Variants in MGA observed in about 807,000 individuals in gnomAD.
The protein encoded by MGA is MAX gene-associated protein.
A neutral mutation model predicts 261.1 loss-of-function variants in MGA; 40 were observed. That is an observed-to-expected ratio of 0.15 (90% CI 0.12 to 0.20). The LOEUF is 0.20. Among genes scored for constraint, MGA ranks in the 10% least tolerant of loss-of-function variants. The pLI is 1.00. For missense variants in MGA, 3,397 were observed against 3,630.5 expected, an observed-to-expected ratio of 0.94 and a Z score of 1.65; for synonymous variants, 1,302 against 1,290.6, an observed-to-expected ratio of 1.01 and a Z score of -0.19.
intron 12 of MGA, among the ~76,000 whole-genome samples, chr15:41,735,454 A>T (rs1424767966): frequency 6.6e-6 from 1 of 152,134 alleles, no homozygotes; most frequent in African/African-American, 2.4e-5. Flanking sequence ...TCAGAATACT[A>T]CAGCTGGGCG....
rs2063905938 is a variant in MGA, at chr15:41,768,494, GTAAA to G, written c.*1218_*1221del. On this transcript the variant is annotated 3_prime_UTR_variant, in exon 24 of 24. Transcript: ENST00000219905. ...AGAAATGATGTTTCCTATCTAGTTT[GTAAA>G]TAATCATGGTGCACTTGAGGGGTCT... is the stretch of plus-strand genomic sequence containing the variant. The G allele has an allele frequency of 6.6e-6, 1 of 152,606 alleles. No homozygotes were observed. 9.5% of individuals were successfully genotyped at this position (152,606 alleles called of 1,614,324 possible). A position where few individuals can be genotyped will look rare whatever the true frequency, so the allele number is the denominator to read the frequency against.
chr15:41,670,051 GATGTTGATAA>G, intron 2 of MGA, 93 bp downstream of exon 2: 1 of 1,016,814 alleles, frequency 9.8e-7, no homozygotes, highest in Non-Finnish European at 1.4e-6. Context: ...GAATGCTACA[GATGTTGATAA>G]ATGTAAGCCA....
At position 41,750,370 on chromosome 15, in the gene MGA, A is replaced by G. The variant is rs375821407; in HGVS notation, c.6763A>G (p.Ile2255Val). The G allele has an allele frequency of 2.2e-5, 35 of 1,613,960 alleles. No homozygotes were observed. The African/African-American group carries it at 2.9e-4, about 14-fold the overall frequency. ...GATTTCTAATCCTTCAGCCTTCTCCATTGTTCCTAGGAGAGCTGCAAAAAG... is the reference window on the plus strand; with the variant it reads ...GATTTCTAATCCTTCAGCCTTCTCCGTTGTTCCTAGGAGAGCTGCAAAAAG... The change falls in exon 17 of 24, where the codon ATT becomes GTT. Residue 2255 changes from isoleucine (I) to valine (V), a missense_variant. By Grantham distance (29) the Ile-to-Val change is conservative. Transcript: ENST00000219905.
At chr15:41,754,226 A>G (rs190117343) in intron 17 of MGA, among the ~76,000 whole-genome samples, 28 of 152,198 alleles carry the variant, frequency 1.8e-4, no homozygotes, top group African/African-American at 6.7e-4. Flanking sequence ...ACATATATAT[A>G]TGACTTATAG....
intron 17 of MGA, among the ~76,000 whole-genome samples, chr15:41,754,209 A>G (rs1362133433): frequency 6.6e-6 from 1 of 152,126 alleles, no homozygotes; most frequent in Non-Finnish European, 1.5e-5. Context: ...GTGAGCCACC[A>G]CGGCTCACAT....
chr15:41,645,724 A>G (rs550523527), intron 1 of MGA, among the ~76,000 whole-genome samples: 1 of 152,344 alleles, frequency 6.6e-6, no homozygotes, highest in East Asian at 1.9e-4. Flanking sequence ...CACTTGCACC[A>G]AGTTCTGGTG....
At chr15:41,683,844 CT>C (rs758042749) in intron 2 of MGA, among the ~76,000 whole-genome samples, 2 of 152,128 alleles carry the variant, frequency 1.3e-5, no homozygotes, top group Non-Finnish European at 2.9e-5. Flanking sequence ...ACCTCACAAA[CT>C]GCTGGGATTA....
intron 11 of MGA, among the ~76,000 whole-genome samples, chr15:41,733,815 G>C (rs899868524): frequency 4.6e-5 from 7 of 151,972 alleles, no homozygotes; most frequent in African/African-American, 1.7e-4. Context: ...AAATTAAAAA[G>C]TATTATTCTT....
chr15:41,725,150 T>G (rs2061157925), intron 9 of MGA, among the ~76,000 whole-genome samples: 1 of 152,122 alleles, frequency 6.6e-6, no homozygotes, highest in Non-Finnish European at 1.5e-5. Context: ...TACGGCTGCT[T>G]TATGGGAATG....
At chr15:41,624,286 C>G (rs754928285) in intron 1 of MGA, among the ~76,000 whole-genome samples, 1 of 150,190 alleles carries the variant, frequency 6.7e-6, no homozygotes, top group Non-Finnish European at 1.5e-5. Context: ...CCTGCTCTGT[C>G]GCCCAGGCTG....
intron 1 of MGA, among the ~76,000 whole-genome samples, chr15:41,637,562 G>A (rs1389489485): frequency 6.6e-6 from 1 of 152,112 alleles, no homozygotes; most frequent in Admixed American, 6.6e-5. Context: ...GTGAAAAGCC[G>A]ATTGTGTCCA....
chr15:41,689,781 G>A (rs1242691572), intron 2 of MGA, among the ~76,000 whole-genome samples: 3 of 152,006 alleles, frequency 2.0e-5, no homozygotes, highest in Non-Finnish European at 4.4e-5. Context: ...GGCCAGGCTG[G>A]TCTTGAACTC....
chr15:41,708,182 A>C lies in MGA; in HGVS notation c.2399A>C (p.His800Pro), dbSNP rs778558879. Reference sequence around the variant, plus strand: ...ATCAAGGGATGGAGGGGAAAATTTCATAGTGCTTCTGCATCTAGGAATGAA... The same window carrying C: ...ATCAAGGGATGGAGGGGAAAATTTCCTAGTGCTTCTGCATCTAGGAATGAA... The change falls in exon 7 of 24, where the codon CAT (histidine) becomes CCT (proline). Residue 800 changes from histidine (H) to proline (P), a missense_variant. Transcript: ENST00000219905. 3 of 1,598,236 alleles carry C rather than the reference A, an allele frequency of 1.9e-6. No homozygotes were observed. In the African/African-American group the frequency reaches 4.0e-5, roughly 21 times the overall value.
At chr15:41,765,488 T>C (rs2152039563) in intron 23 of MGA, among the ~76,000 whole-genome samples, 1 of 152,234 alleles carries the variant, frequency 6.6e-6, no homozygotes, top group East Asian at 1.9e-4. Flanking sequence ...GAAGCCTCAC[T>C]TGGGTGATTA....
intron 13 of MGA, among the ~76,000 whole-genome samples, chr15:41,737,315 T>C (rs1248433681): frequency 1.3e-5 from 2 of 151,648 alleles, no homozygotes; most frequent in Non-Finnish European, 2.9e-5. Context: ...TGTGTTTTTT[T>C]TTGTTTTTGT....
chr15:41,630,867 T>C (rs1481757801), intron 1 of MGA, among the ~76,000 whole-genome samples: 1 of 152,146 alleles, frequency 6.6e-6, no homozygotes, highest in Non-Finnish European at 1.5e-5. Context: ...GTCCTTTAAA[T>C]TGTTGGATAG....
chr15:41,762,411 A>T (rs1055804401), intron 22 of MGA, 49 bp downstream of exon 22: 2 of 1,232,516 alleles, frequency 1.6e-6, no homozygotes, highest in East Asian at 2.9e-5. Flanking sequence ...ACATCAGTTG[A>T]CTTTAGTGGA....
intron 2 of MGA, among the ~76,000 whole-genome samples, chr15:41,674,281 T>A (rs529437522): frequency 6.6e-6 from 1 of 151,768 alleles, no homozygotes; most frequent in East Asian, 2.0e-4. Context: ...ACTGCACTTC[T>A]GCCTCCCAGG....
chr15:41,711,147 A>G lies in MGA; in HGVS notation c.2882A>G (p.Glu961Gly). The G allele has an allele frequency of 6.2e-7, 1 of 1,614,026 alleles. No homozygotes were observed. Among genetic ancestry groups the G allele is most frequent in the Non-Finnish European group, 8.5e-7 (1 of 1,179,898 alleles). ...AACTTTGTTGTGCCAACTTTGGATG[A>G]AAATATATTTCCAAAGCAGATTAGT... Residue 961 changes from glutamate (E) to glycine (G), a missense_variant, in exon 8 of 24, where the codon GAA becomes GGA. This residue lies in a region of MGA where 519 missense variants were observed against 554.1 expected (regional missense o/e 0.94). Transcript: ENST00000219905.
Sources: gnomAD v4.1 joint callset for allele counts (sites outside exome capture counted in the v4.1 genomes callset) on GRCh38, gnomAD v4.1.1 for gene constraint, gnomAD v4.1.1 regional missense constraint, MANE v1.5 for transcripts, NCBI Gene and HGNC (gene_info 2026-07-23, HGNC 2026-07-21) for gene names.